The following PCDHA6 variants were observed in gnomAD, a reference collection of about 807,000 sequenced individuals.
The protein encoded by PCDHA6 is protocadherin alpha-6.
PCDHA6 carries 55 observed loss-of-function variants against 60.3 expected under a neutral mutation model. The observed-to-expected ratio is 0.91, with a 90% CI of 0.73 to 1.14. The LOEUF is 1.14. Among genes scored for constraint, PCDHA6 ranks in the 50% most tolerant of loss-of-function variants. The probability of loss-of-function intolerance (pLI) is 0.00; values close to 1 mark genes in which losing one functional copy is unlikely to be tolerated. For missense variants in PCDHA6, 1,327 were observed against 1,256.5 expected (o/e 1.06, Z -0.85); for synonymous variants, 652 against 557.9 (o/e 1.17, Z -2.38).
chr5:140,891,744 A>G (rs2063231419), intron 1 of PCDHA6, among the ~76,000 whole-genome samples: 1 of 152,070 alleles, frequency 6.6e-6, no homozygotes, highest in South Asian at 2.1e-4. Context: ...AATCCCTTAT[A>G]CAACAGTGTT....
intron 1 of PCDHA6, chr5:140,876,900 G>T: frequency 1.2e-6 from 2 of 1,614,114 alleles, no homozygotes; most frequent in East Asian, 2.2e-5. Context: ...ACATCTTCAC[G>T]GTGTCGGCAT....
chr5:140,877,467 G>T (rs1554169776), intron 1 of PCDHA6: 2 of 1,613,868 alleles, frequency 1.2e-6, no homozygotes, highest in Non-Finnish European at 1.7e-6. Flanking sequence ...CGGCCACGGT[G>T]CTGGTGTCGC....
At chr5:140,910,197 T>C (rs1318749477) in intron 1 of PCDHA6, among the ~76,000 whole-genome samples, 1 of 152,202 alleles carries the variant, frequency 6.6e-6, no homozygotes, top group African/African-American at 2.4e-5. Context: ...TAGTCTTTTG[T>C]CCACTTGACC....
intron 1 of PCDHA6, among the ~76,000 whole-genome samples, chr5:140,890,478 G>A (rs1358799219): frequency 1.3e-5 from 2 of 151,984 alleles, no homozygotes; most frequent in Non-Finnish European, 2.9e-5. Flanking sequence ...TTTTTTGTGC[G>A]TTATTTTTGT....
intron 1 of PCDHA6, chr5:140,968,750 G>A: frequency 6.2e-7 from 1 of 1,614,144 alleles, no homozygotes; most frequent in Non-Finnish European, 8.5e-7. Context: ...GACCGTGGTG[G>A]TCCGAGATAA....
At chr5:140,946,516 C>T (rs551838143) in intron 1 of PCDHA6, among the ~76,000 whole-genome samples, 42 of 151,130 alleles carry the variant, frequency 2.8e-4, no homozygotes, top group African/African-American at 8.3e-4. Flanking sequence ...AAGACCTATC[C>T]GCACTCCCAT....
chr5:140,983,211 T>C (rs1429696975), intron 3 of PCDHA6, among the ~76,000 whole-genome samples: 1 of 152,204 alleles, frequency 6.6e-6, no homozygotes, highest in African/African-American at 2.4e-5. Context: ...AGGGACTATT[T>C]CCTAATCCAA....
rs1554217734 is a variant in PCDHA6 at position 140,946,611 on chromosome 5, A to AATATATATATATATATATATATATATAT, written c.2395-32317_2395-32316insTATATATATATATATATATATATATATA. Among the ~76,000 whole-genome samples, 579 of 86,182 alleles carry AATATATATATATATATATATATATATAT rather than the reference A, an allele frequency of 6.7e-3. 16 individuals are homozygous for AATATATATATATATATATATATATATAT. The highest frequency in any genetic ancestry group is 0.011 in the Middle Eastern group (2 of 184). 56.5% of individuals were successfully genotyped at this position (86,182 alleles called of 152,430 possible). A position where few individuals can be genotyped will look rare whatever the true frequency, so the allele number is the denominator to read the frequency against. On this transcript the variant is annotated intron_variant, in intron 1 of 3. Transcript: ENST00000529310. ...GGATGAATAGATAAAGAAAATGTGA[A>AATATATATATATATATATATATATATAT]ATATATATATATATATATATACAAT...
chr5:140,876,699 G>A, intron 1 of PCDHA6: 1 of 1,614,228 alleles, frequency 6.2e-7, no homozygotes, highest in Non-Finnish European at 8.5e-7. Context: ...CGTTGGTGCT[G>A]GACAGCGCCC....
intron 1 of PCDHA6, among the ~76,000 whole-genome samples, chr5:140,905,695 C>T (rs1350689939): frequency 6.6e-6 from 1 of 152,134 alleles, no homozygotes; most frequent in African/African-American, 2.4e-5. Context: ...TTGTTTGTGT[C>T]ATTTATGATT....
intron 1 of PCDHA6, among the ~76,000 whole-genome samples, chr5:140,900,090 A>G (rs1370301453): frequency 6.6e-6 from 1 of 152,152 alleles, no homozygotes; most frequent in Non-Finnish European, 1.5e-5. Context: ...AGTTACAAGC[A>G]TGCGCCACCA....
intron 1 of PCDHA6, among the ~76,000 whole-genome samples, chr5:140,919,973 A>T (rs1554199334): frequency 7.5e-6 from 1 of 133,994 alleles, no homozygotes; most frequent in Non-Finnish European, 1.7e-5. Context: ...TAAATAAGAG[A>T]TAGAAGATGG....
At chr5:140,850,964 C>T in intron 1 of PCDHA6, 2 of 1,468,876 alleles carry the variant, frequency 1.4e-6, no homozygotes, top group Non-Finnish European at 1.8e-6. Flanking sequence ...TCCCAGGGGC[C>T]GTTCAAATAG....
At position 140,888,063 on chromosome 5, in the gene PCDHA6, T is replaced by A. The variant is rs1412671068; in HGVS notation, c.2394+57578T>A. On this transcript the variant is annotated intron_variant, in intron 1 of 3. Coordinates refer to ENST00000529310, the MANE Select transcript of PCDHA6 (RefSeq NM_018909.4). Reference sequence around the variant, plus strand: ...TGTATAATAGATGTTTTAACTTTCTTGTCTGCTAATTTCAACATTTTTGTC... The same window carrying A: ...TGTATAATAGATGTTTTAACTTTCTAGTCTGCTAATTTCAACATTTTTGTC... Among the ~76,000 whole-genome samples the A allele has an allele frequency of 2.0e-5, 3 of 152,238 alleles. No homozygotes were observed. In the East Asian group the frequency reaches 5.8e-4, roughly 29 times the overall value.
At chr5:140,898,712 T>C (rs1219344656) in intron 1 of PCDHA6, among the ~76,000 whole-genome samples, 2 of 152,206 alleles carry the variant, frequency 1.3e-5, no homozygotes, top group African/African-American at 4.8e-5. Flanking sequence ...AGTAGTTTTT[T>C]CCAATTCTGT....
chr5:140,877,684 A>C, intron 1 of PCDHA6: 1 of 1,613,768 alleles, frequency 6.2e-7, no homozygotes, highest in East Asian at 2.2e-5. Flanking sequence ...GGGCAAGCCC[A>C]CGCTGGTGTG....
In PCDHA6 at chr5:140,831,742, T is replaced by C. The variant is rs1341664447; in HGVS notation, c.2394+1257T>C. On this transcript the variant is annotated intron_variant, in intron 1 of 3. Coordinates refer to ENST00000529310, the MANE Select transcript of PCDHA6 (RefSeq NM_018909.4). ...TTGGTGTTATCCTCCCTTGCCTAAATTTCATCGCTACCAATTTTGTTTTGT... is the reference window on the plus strand; with the variant it reads ...TTGGTGTTATCCTCCCTTGCCTAAACTTCATCGCTACCAATTTTGTTTTGT... Among the ~76,000 whole-genome samples, 7 of 152,216 alleles carry C rather than the reference T, an allele frequency of 4.6e-5. No individual in the cohort carries two copies. In the South Asian group the frequency reaches 1.5e-3, roughly 32 times the overall value.
At chr5:140,969,146 AAGGCCTGTCTGACAGC>A in intron 1 of PCDHA6, 1 of 1,614,170 alleles carries the variant, frequency 6.2e-7, no homozygotes, top group Non-Finnish European at 8.5e-7. Flanking sequence ...CTACTGCTAC[AAGGCCTGTCTGACAGC>A]AGGCTCAGGG....
chr5:140,939,424 A>G lies in PCDHA6; in HGVS notation c.2395-39525A>G, dbSNP rs186047779. 5.0e-4 allele frequency among the ~76,000 whole-genome samples: 76 copies of G among 152,290 alleles called. 1 individual carries two copies. Among genetic ancestry groups the G allele is most frequent in the Admixed American group, 1.3e-4 (2 of 15,302 alleles). On this transcript the variant is annotated intron_variant, in intron 1 of 3. Coordinates refer to ENST00000529310, the MANE Select transcript of PCDHA6 (RefSeq NM_018909.4). ...GTGTAAATCAGCATTTTTTTCTTCC[A>G]TAAGCATTTGAAGAATTAAGAGTGA...
Sources: gnomAD v4.1 joint callset for allele counts (sites outside exome capture counted in the v4.1 genomes callset) on GRCh38, gnomAD v4.1.1 for gene constraint, MANE v1.5 for transcripts, NCBI Gene and HGNC (gene_info 2026-07-23, HGNC 2026-07-21) for gene names.